Variants in AUTS2 observed in about 807,000 individuals in gnomAD.
AUTS2 encodes the protein autism susceptibility gene 2 protein.
Under a neutral mutation model 112.4 loss-of-function variants are expected in AUTS2, and 17 were observed. The ratio of observed to expected loss-of-function variants is 0.15; its 90% CI spans 0.10 to 0.23. AUTS2 has a LOEUF of 0.23. AUTS2 is among the 10% of genes least tolerant of loss of function. AUTS2 has a pLI of 1.00. For missense variants in AUTS2, 1,510 were observed against 1,701.6 expected (o/e 0.89, Z 1.98); for synonymous variants, 751 against 702.7 (o/e 1.07, Z -1.09).
chr7:70,578,926 C>CTTTTTTTTTTTTTTTTTTTTTTTT, intron 5 of AUTS2, among the ~76,000 whole-genome samples: 1 of 132,318 alleles, frequency 7.6e-6, no homozygotes. Context: ...TTTTTTCTTT[C>CTTTTTTTTTTTTTTTTTTTTTTTT]TTTTTTTTTT....
At chr7:70,187,996 T>G (rs570907084) in intron 4 of AUTS2, among the ~76,000 whole-genome samples, 1 of 152,288 alleles carries the variant, frequency 6.6e-6, no homozygotes, top group African/African-American at 2.4e-5. Flanking sequence ...ATAATTCACT[T>G]GATAAAATTC....
chr7:70,537,699 G>T (rs1201810864), intron 5 of AUTS2, among the ~76,000 whole-genome samples: 1 of 152,160 alleles, frequency 6.6e-6, no homozygotes, highest in African/African-American at 2.4e-5. Flanking sequence ...TCTCCTGTAA[G>T]CAGAAATCAA....
chr7:70,312,903 A>C (rs544915480), intron 4 of AUTS2, among the ~76,000 whole-genome samples: 9 of 152,360 alleles, frequency 5.9e-5, no homozygotes, highest in Admixed American at 5.9e-4. Flanking sequence ...TAGGACTAGA[A>C]AAAATAGATT....
At chr7:70,630,805 C>G (rs1354235898) in intron 5 of AUTS2, among the ~76,000 whole-genome samples, 13 of 152,152 alleles carry the variant, frequency 8.5e-5, no homozygotes, top group Admixed American at 8.5e-4. Context: ...TGTTTATTGC[C>G]CATTAAAGCA....
chr7:70,331,705 C>A (rs1272433878), intron 4 of AUTS2, among the ~76,000 whole-genome samples: 1 of 152,090 alleles, frequency 6.6e-6, no homozygotes, highest in African/African-American at 2.4e-5. Context: ...ATAAACAGAA[C>A]AAATGACAAA....
At chr7:70,163,347 G>T (rs1389600665) in intron 4 of AUTS2, among the ~76,000 whole-genome samples, 3 of 100,132 alleles carry the variant, frequency 3.0e-5, no homozygotes, top group East Asian at 2.5e-4. Flanking sequence ...GTGGTGGTGG[G>T]GGGGGGGGGG....
chr7:70,074,811 C>CCTTA (rs1802950886), intron 2 of AUTS2, among the ~76,000 whole-genome samples: 1 of 152,128 alleles, frequency 6.6e-6, no homozygotes, highest in Non-Finnish European at 1.5e-5. Flanking sequence ...CCATGACCTG[C>CCTTA]CTTAAGTAGG....
chr7:69,746,149 A>G (rs890690757), intron 1 of AUTS2, among the ~76,000 whole-genome samples: 32 of 152,104 alleles, frequency 2.1e-4, no homozygotes, highest in African/African-American at 7.0e-4. Flanking sequence ...TACTGGGATT[A>G]TAGGGCATGA....
At chr7:69,911,171 C>T (rs952239842) in intron 2 of AUTS2, among the ~76,000 whole-genome samples, 4 of 152,214 alleles carry the variant, frequency 2.6e-5, no homozygotes, top group Non-Finnish European at 5.9e-5. Context: ...GCAGGGTGGG[C>T]AGCCCCAGGC....
chr7:70,580,860 T>G (rs988707752), intron 5 of AUTS2, among the ~76,000 whole-genome samples: 1 of 152,108 alleles, frequency 6.6e-6, no homozygotes, highest in Non-Finnish European at 1.5e-5. Flanking sequence ...CCGCTGAAAA[T>G]GTATTTAAAG....
chr7:70,150,994 C>T (rs1282005887), intron 4 of AUTS2, among the ~76,000 whole-genome samples: 2 of 152,202 alleles, frequency 1.3e-5, no homozygotes, highest in Non-Finnish European at 2.9e-5. Flanking sequence ...ATGTAGTCAT[C>T]TCTTTGAGTG....
At chr7:70,756,588 A>T (rs1423995105) in intron 6 of AUTS2, among the ~76,000 whole-genome samples, 1 of 152,262 alleles carries the variant, frequency 6.6e-6, no homozygotes, top group African/African-American at 2.4e-5. Flanking sequence ...ATTTATAATA[A>T]CATACCTTTA....
At chr7:69,640,379 T>A (rs1794751082) in intron 1 of AUTS2, among the ~76,000 whole-genome samples, 1 of 152,238 alleles carries the variant, frequency 6.6e-6, no homozygotes, top group Non-Finnish European at 1.5e-5. Context: ...TTGTCTCTCT[T>A]AAGTAGTGCA....
chr7:70,606,698 C>T (rs1803793173), intron 5 of AUTS2, among the ~76,000 whole-genome samples: 1 of 151,924 alleles, frequency 6.6e-6, no homozygotes, highest in Non-Finnish European at 1.5e-5. Context: ...CCCATCTCTA[C>T]TGAAAATTCC....
chr7:69,919,180 T>A (rs1011171011), intron 2 of AUTS2, among the ~76,000 whole-genome samples: 2 of 152,198 alleles, frequency 1.3e-5, no homozygotes, highest in African/African-American at 2.4e-5. Context: ...TTGAACACTT[T>A]TACATTACTG....
intron 6 of AUTS2, among the ~76,000 whole-genome samples, chr7:70,747,931 C>T (rs1004898989): frequency 1.1e-4 from 16 of 151,642 alleles, no homozygotes; most frequent in Admixed American, 3.3e-4. Flanking sequence ...ACGCCATTGT[C>T]CTGCCTCAGC....
intron 5 of AUTS2, among the ~76,000 whole-genome samples, chr7:70,683,532 G>A (rs920763864): frequency 3.9e-5 from 6 of 152,224 alleles, no homozygotes; most frequent in African/African-American, 7.2e-5. Flanking sequence ...CTAAAGGAAT[G>A]GCAGTGTCCA....
At position 70,769,577 on chromosome 7, in the gene AUTS2, C is replaced by G. The variant is rs1388654049; in HGVS notation, c.1734+1509C>G. ...GCGGGCACCTGTAGTCCCAGCTACT[C>G]GGGAGGCTGAGGCAGGAGAATGGCG... On this transcript the variant is annotated intron_variant, in intron 10 of 18. Transcript: ENST00000342771. Among the ~76,000 whole-genome samples, 5 of 152,070 alleles carry G rather than the reference C, an allele frequency of 3.3e-5. No individual in the cohort carries two copies. In the South Asian group the frequency reaches 1.0e-3, roughly 32 times the overall value.
chr7:69,790,912 G>A (rs1452252891), intron 1 of AUTS2, among the ~76,000 whole-genome samples: 1 of 152,202 alleles, frequency 6.6e-6, no homozygotes, highest in Non-Finnish European at 1.5e-5. Flanking sequence ...AGACCCAACT[G>A]GGTTCTATCC....
Sources: gnomAD v4.1 joint callset for allele counts (sites outside exome capture counted in the v4.1 genomes callset) on GRCh38, gnomAD v4.1.1 for gene constraint, MANE v1.5 for transcripts, NCBI Gene and HGNC (gene_info 2026-07-23, HGNC 2026-07-21) for gene names.